CHD6: variants seen among roughly 807,000 people sequenced by gnomAD.
The protein encoded by CHD6 is ATP-dependent chromatin remodeler CHD6.
CHD6 carries 50 observed loss-of-function variants against 276.9 expected under a neutral mutation model. The observed-to-expected ratio is 0.18, with a 90% CI of 0.14 to 0.23. The LOEUF (loss-of-function observed/expected upper bound fraction) is 0.23. CHD6 is among the 10% of genes least tolerant of loss of function. The pLI is 1.00. For synonymous variants in CHD6, 1,173 were observed against 1,229.3 expected (o/e 0.95, Z 0.96); for missense variants, 2,564 against 3,365.8 (o/e 0.76, Z 5.89).
chr20:41,427,061 A>C (rs962205391), intron 27 of CHD6, among the ~76,000 whole-genome samples: 3 of 152,162 alleles, frequency 2.0e-5, no homozygotes, highest in Non-Finnish European at 2.9e-5. Context: ...GTGGCCCTCA[A>C]GCTAAGAATG....
At chr20:41,456,083 A>ATG in intron 18 of CHD6, 104 bp from the exon 19 acceptor site, 4 of 1,088,740 alleles carry the variant, frequency 3.7e-6, no homozygotes, top group Non-Finnish European at 5.1e-6. Flanking sequence ...TCCATGAACT[A>ATG]CATGTTAGAA....
In CHD6 at chr20:41,451,971, G is replaced by A. The variant is rs1391001458; in HGVS notation, c.3378C>T (p.Asn1126=). 3 of 1,614,050 alleles carry A rather than the reference G, an allele frequency of 1.9e-6. No homozygotes were observed. Among genetic ancestry groups the A allele is most frequent in the East Asian group, 2.2e-5 (1 of 44,854 alleles). The part of the protein sequence containing the change: ...LTHGRFKWHL[N]EKDMEMICRA... ...GGCAAATCATCTCCATGTCCTTCTC[G>A]TTCAGATGCCACTTGAATCGGCCAT... The change falls in exon 22 of 37, where the codon AAC becomes AAT. Residue 1126 remains asparagine (N), a synonymous_variant. Transcript: ENST00000373233.
chr20:41,458,097 T>G (rs1412948988), intron 17 of CHD6, among the ~76,000 whole-genome samples: 2 of 152,140 alleles, frequency 1.3e-5, no homozygotes, highest in African/African-American at 2.4e-5. Context: ...AAACTAGGAG[T>G]TCTACCTTGG....
At chr20:41,422,675 T>A (rs1379467956) in intron 30 of CHD6, among the ~76,000 whole-genome samples, 1 of 152,206 alleles carries the variant, frequency 6.6e-6, no homozygotes, top group East Asian at 1.9e-4. Flanking sequence ...ACCATCATCA[T>A]GCCTGTCCTA....
chr20:41,425,878 A>G (rs2047346848), intron 28 of CHD6, among the ~76,000 whole-genome samples: 1 of 152,116 alleles, frequency 6.6e-6, no homozygotes, highest in African/African-American at 2.4e-5. Context: ...AGATATTAAC[A>G]TTTACTTCAC....
At chr20:41,457,143 T>C (rs1471627770) in intron 18 of CHD6, 121 bp downstream of exon 18, 5 of 1,128,596 alleles carry the variant, frequency 4.4e-6, no homozygotes, top group Non-Finnish European at 6.2e-6. Flanking sequence ...TACCCAATAA[T>C]GATGTGAGGG....
intron 13 of CHD6, among the ~76,000 whole-genome samples, 155 bp downstream of exon 13, chr20:41,488,273 T>C (rs2043466411): frequency 6.6e-6 from 1 of 152,200 alleles, no homozygotes; most frequent in Admixed American, 6.5e-5. Flanking sequence ...CAAAAAATCT[T>C]AATTCCTATA....
At chr20:41,487,970 G>A (rs748845049) in intron 13 of CHD6, among the ~76,000 whole-genome samples, 162 bp from the exon 14 acceptor site, 1 of 152,114 alleles carries the variant, frequency 6.6e-6, no homozygotes, top group Non-Finnish European at 1.5e-5. Context: ...GTCAATAAAC[G>A]AATCAACCTT....
At chr20:41,569,102 G>T (rs2045389405) in intron 1 of CHD6, among the ~76,000 whole-genome samples, 2 of 152,168 alleles carry the variant, frequency 1.3e-5, no homozygotes, top group Admixed American at 6.5e-5. Context: ...GTGACCAAGA[G>T]GTATGGAAAA....
At chr20:41,537,542 G>A (rs887104636) in intron 2 of CHD6, among the ~76,000 whole-genome samples, 1 of 152,150 alleles carries the variant, frequency 6.6e-6, no homozygotes. Context: ...CGCTGAGGAA[G>A]AAGTGCATAA....
chr20:41,422,964 C>G (rs2294576), intron 30 of CHD6, among the ~76,000 whole-genome samples: 19,193 of 152,208 alleles, frequency 0.13, 2,545 homozygotes, highest in East Asian at 0.32. Context: ...GGAACTCCAT[C>G]TACAAATACG....
chr20:41,542,363 C>A (rs970525455), intron 2 of CHD6, among the ~76,000 whole-genome samples: 1 of 152,096 alleles, frequency 6.6e-6, no homozygotes, highest in Non-Finnish European at 1.5e-5. Context: ...CCTACCCCTG[C>A]CACATAATAA....
At position 41,420,611 on chromosome 20, in the gene CHD6, G is replaced by T; in HGVS notation, c.6024C>A (p.Asn2008Lys). 1.2e-6 allele frequency: 2 copies of T among 1,614,170 alleles called. No individual in the cohort carries two copies. Residue 2008 changes from asparagine (N) to lysine (K), a missense_variant, in exon 31 of 37, where the codon AAC (asparagine) becomes AAA (lysine). Asn to Lys is a moderately conservative substitution (Grantham distance 94). Transcript: ENST00000373233. ...CTTCAAGAGGATATGTGGGGAAAAC[G>T]TTTTGCCCCTCTGCACTTTCTTTCC... is the stretch of plus-strand genomic sequence containing the variant. ...EPWKESAEGQNVFPTYPLEGS... is the reference protein window; with the variant it reads ...EPWKESAEGQKVFPTYPLEGS...
chr20:41,559,465 C>A (rs2045278311), intron 1 of CHD6, among the ~76,000 whole-genome samples: 1 of 152,180 alleles, frequency 6.6e-6, no homozygotes, highest in Non-Finnish European at 1.5e-5. Flanking sequence ...AGTTACCAAA[C>A]CTAATGGGCA....
intron 8 of CHD6, among the ~76,000 whole-genome samples, chr20:41,495,529 C>A (rs1056423725): frequency 7.9e-5 from 12 of 152,022 alleles, no homozygotes; most frequent in African/African-American, 2.9e-4. Flanking sequence ...GTTCTGGAGA[C>A]CTAATGCATA....
At chr20:41,517,632 T>A (rs892037190) in intron 3 of CHD6, among the ~76,000 whole-genome samples, 2 of 152,000 alleles carry the variant, frequency 1.3e-5, no homozygotes, top group South Asian at 4.1e-4. Context: ...AATTTTCACA[T>A]GAGTCTTTAT....
At chr20:41,408,024 G>T (rs866807289) in intron 36 of CHD6, among the ~76,000 whole-genome samples, 32 of 151,424 alleles carry the variant, frequency 2.1e-4, no homozygotes, top group African/African-American at 7.8e-4. Context: ...AATATTTTTT[G>T]AACTCCTACA....
At chr20:41,547,002 C>A (rs980978014) in intron 2 of CHD6, among the ~76,000 whole-genome samples, 1 of 152,162 alleles carries the variant, frequency 6.6e-6, no homozygotes, top group African/African-American at 2.4e-5. Flanking sequence ...TCTACCATCT[C>A]AATTTACCTT....
Position 41,405,100 on chromosome 20 carries a change from A to C in CHD6, c.7641T>G (p.Thr2547=). 1 of 1,614,230 alleles carries C rather than the reference A, an allele frequency of 6.2e-7. No homozygotes were observed. Among genetic ancestry groups the C allele is most frequent in the Non-Finnish European group, 8.5e-7 (1 of 1,180,034 alleles). The change falls in exon 37 of 37, where the codon ACT becomes ACG. Residue 2547 remains threonine (T), a synonymous_variant. Coordinates refer to ENST00000373233, the MANE Select transcript of CHD6 (RefSeq NM_032221.5). ...LLSPPMATTC[T]STAPASLSST... ...TTGATAGAGACGCCGGAGCAGTGGA[A>C]GTGCAGGTGGTTGCCATGGGTGGAC...
Sources: gnomAD v4.1 joint callset for allele counts (sites outside exome capture counted in the v4.1 genomes callset) on GRCh38, gnomAD v4.1.1 for gene constraint, MANE v1.5 for transcripts, NCBI Gene and HGNC (gene_info 2026-07-23, HGNC 2026-07-21) for gene names.